CNNM2: variants seen among roughly 807,000 people sequenced by gnomAD.
CNNM2 encodes the protein metal transporter CNNM2.
Under a neutral mutation model 66.9 loss-of-function variants are expected in CNNM2, and 12 were observed. That is an observed-to-expected ratio of 0.18 (90% CI 0.11 to 0.29). CNNM2 has a LOEUF of 0.29. CNNM2 is among the 10% of genes least tolerant of loss of function. The pLI is 1.00. For synonymous variants in CNNM2, 557 were observed against 501.8 expected, an observed-to-expected ratio of 1.11 and a Z score of -1.47; for missense variants, 705 against 1,167.7, an observed-to-expected ratio of 0.60 and a Z score of 5.77.
At chr10:103,070,568 C>T (rs1013944351) in intron 5 of CNNM2, among the ~76,000 whole-genome samples, 1 of 152,138 alleles carries the variant, frequency 6.6e-6, no homozygotes, top group Non-Finnish European at 1.5e-5. Flanking sequence ...GTGGGTTGTA[C>T]ATTTCTACCA....
At chr10:102,939,871 G>A (rs1189761451) in intron 1 of CNNM2, among the ~76,000 whole-genome samples, 2 of 152,094 alleles carry the variant, frequency 1.3e-5, no homozygotes, top group Non-Finnish European at 2.9e-5. Flanking sequence ...GGGAGGCTGA[G>A]GCAGGAGAAT....
At chr10:103,003,997 T>TC (rs2064175461) in intron 1 of CNNM2, among the ~76,000 whole-genome samples, 2 of 131,206 alleles carry the variant, frequency 1.5e-5, no homozygotes. Flanking sequence ...TTTTTTTTTT[T>TC]TTTTTTTTTT....
intron 1 of CNNM2, among the ~76,000 whole-genome samples, chr10:103,021,979 C>G (rs945340274): frequency 6.6e-6 from 1 of 152,122 alleles, no homozygotes; most frequent in East Asian, 1.9e-4. Context: ...AATTAGAATT[C>G]TTTAAGGTCA....
intron 1 of CNNM2, among the ~76,000 whole-genome samples, chr10:102,995,172 C>CCCTTCCTCCTCCTCTTCCCCTTT (rs2063971034): frequency 7.9e-4 from 4 of 5,038 alleles, no homozygotes; most frequent in Admixed American, 1.4e-3. Flanking sequence ...TCCTCCTCCC[C>CCCTTCCTCCTCCTCTTCCCCTTT]CTCTTCCTCC....
intron 1 of CNNM2, among the ~76,000 whole-genome samples, chr10:103,045,003 G>A (rs1404551821): frequency 1.3e-5 from 2 of 152,210 alleles, no homozygotes; most frequent in Non-Finnish European, 2.9e-5. Context: ...GGTGAGAATA[G>A]CGCCTCAGTG....
intron 5 of CNNM2, among the ~76,000 whole-genome samples, chr10:103,071,218 G>C (rs187961588): frequency 1.3e-5 from 2 of 152,200 alleles, no homozygotes; most frequent in Non-Finnish European, 2.9e-5. Context: ...GTGGTGATGA[G>C]GATGACTCTG....
chr10:102,943,608 A>T (rs943605192), intron 1 of CNNM2, among the ~76,000 whole-genome samples: 1 of 152,242 alleles, frequency 6.6e-6, no homozygotes, highest in Non-Finnish European at 1.5e-5. Context: ...AAAAGTCAAG[A>T]GTACTCATTA....
In CNNM2 at chr10:103,078,604, T is replaced by C. The variant is rs2065726026; in HGVS notation, c.*1424T>C. On this transcript the variant is annotated 3_prime_UTR_variant, in exon 8 of 8. Coordinates refer to ENST00000369878, the MANE Select transcript of CNNM2 (RefSeq NM_017649.5). ...AATTCTTAACTATAGCTTATCTGTGTTTTGTTAGCCCGAGGGATATGTGCA... is the reference window on the plus strand; with the variant it reads ...AATTCTTAACTATAGCTTATCTGTGCTTTGTTAGCCCGAGGGATATGTGCA... The C allele has an allele frequency of 2.0e-5, 3 of 152,228 alleles. No homozygotes were observed. Among genetic ancestry groups the C allele is most frequent in the African/African-American group, 7.2e-5 (3 of 41,454 alleles). The allele number at this position is 152,228 out of a possible 1,614,324, so 9.4% of individuals were successfully genotyped here.
chr10:103,036,708 T>C (rs1438094924), intron 1 of CNNM2, among the ~76,000 whole-genome samples: 1 of 152,122 alleles, frequency 6.6e-6, no homozygotes, highest in Non-Finnish European at 1.5e-5. Context: ...CTCACTCGGG[T>C]TTTCAAATGT....
intron 3 of CNNM2, among the ~76,000 whole-genome samples, chr10:103,056,543 A>G (rs1302993456): frequency 6.6e-6 from 1 of 152,208 alleles, no homozygotes. Context: ...AAATTAGTGT[A>G]CTTTTATGAG....
rs1329833597 is a variant in CNNM2 at position 103,090,186 on chromosome 10, T to C, written c.*13006T>C. On this transcript the variant is annotated 3_prime_UTR_variant, in exon 8 of 8. Transcript: ENST00000369878. ...CTATTTTACAGCAAAAACAAGATAG[T>C]CCTGAAACAGATCAGAATAAAGGAA... 1.0e-5 allele frequency: 4 copies of C among 399,706 alleles called. No individual in the cohort carries two copies. The highest frequency in any genetic ancestry group is 3.9e-5 in the East Asian group (1 of 25,586). 24.8% of individuals were successfully genotyped at this position (399,706 alleles called of 1,614,324 possible).
intron 1 of CNNM2, among the ~76,000 whole-genome samples, chr10:102,956,880 G>A (rs1178582401): frequency 6.6e-6 from 1 of 152,102 alleles, no homozygotes; most frequent in African/African-American, 2.4e-5. Flanking sequence ...AATACCTAAT[G>A]TAAACGACGA....
At chr10:102,974,963 A>G (rs761966692) in intron 1 of CNNM2, among the ~76,000 whole-genome samples, 15 of 152,218 alleles carry the variant, frequency 9.9e-5, no homozygotes, top group Non-Finnish European at 1.3e-4. Flanking sequence ...TGGAGACATG[A>G]GAACTTGGGG....
chr10:102,955,351 T>G (rs1846994590), intron 1 of CNNM2, among the ~76,000 whole-genome samples: 1 of 152,170 alleles, frequency 6.6e-6, no homozygotes, highest in African/African-American at 2.4e-5. Context: ...CTGGATCCCT[T>G]ACACCTTATA....
chr10:103,052,719 G>A (rs1045659834), intron 2 of CNNM2, among the ~76,000 whole-genome samples: 1 of 152,100 alleles, frequency 6.6e-6, no homozygotes, highest in Non-Finnish European at 1.5e-5. Context: ...TCACCATGTT[G>A]TTCAGGCTGG....
At chr10:102,993,121 AATTG>A (rs1216780973) in intron 1 of CNNM2, among the ~76,000 whole-genome samples, 1 of 152,222 alleles carries the variant, frequency 6.6e-6, no homozygotes, top group East Asian at 1.9e-4. Context: ...AGCACATGTT[AATTG>A]AATGACTAGA....
chr10:103,040,312 AAAG>A (rs918911155), intron 1 of CNNM2, among the ~76,000 whole-genome samples: 1 of 151,838 alleles, frequency 6.6e-6, no homozygotes, highest in African/African-American at 2.4e-5. Context: ...GCAAGGTAAA[AAAG>A]GATTAAAAGG....
At chr10:103,022,422 TC>T (rs1157302721) in intron 1 of CNNM2, among the ~76,000 whole-genome samples, 1 of 152,188 alleles carries the variant, frequency 6.6e-6, no homozygotes, top group East Asian at 1.9e-4. Flanking sequence ...AGACAAGGTG[TC>T]CCCCTGCTAT....
At chr10:103,068,360 T>C (rs1025718272) in intron 4 of CNNM2, 4 of 365,914 alleles carry the variant, frequency 1.1e-5, no homozygotes, top group South Asian at 3.9e-5. Flanking sequence ...CAAAGAAAAC[T>C]GTATTTTAAG....
Sources: gnomAD v4.1 joint callset for allele counts (sites outside exome capture counted in the v4.1 genomes callset) on GRCh38, gnomAD v4.1.1 for gene constraint, MANE v1.5 for transcripts, NCBI Gene and HGNC (gene_info 2026-07-23, HGNC 2026-07-21) for gene names.